The following ITLN1 variants were observed in gnomAD, a reference collection of about 807,000 sequenced individuals.
The protein encoded by ITLN1 is intelectin 1.
In ITLN1, 29 loss-of-function variants were observed where a neutral mutation model predicts 36.2. The observed-to-expected ratio is 0.80, with a 90% CI of 0.60 to 1.09. ITLN1 has a LOEUF of 1.09. ITLN1 is among the 50% of genes least tolerant of loss of function. The pLI, the probability that ITLN1 is intolerant of heterozygous loss-of-function variation, is 0.00. For synonymous variants in ITLN1, 143 were observed against 146.5 expected (o/e 0.98, Z 0.17); for missense variants, 358 against 405.2 (o/e 0.88, Z 1.00).
chr1:160,882,623 T>C (rs1480836226), intron 3 of ITLN1, among the ~76,000 whole-genome samples: 1 of 152,154 alleles, frequency 6.6e-6, no homozygotes, highest in Non-Finnish European at 1.5e-5. Flanking sequence ...ACATGGTGTG[T>C]GTGCATATAT....
chr1:160,880,470 C>A, intron 6 of ITLN1, 118 bp downstream of exon 6: 2 of 986,058 alleles, frequency 2.0e-6, no homozygotes, highest in South Asian at 1.7e-5. Flanking sequence ...TCAAGTGGGG[C>A]AATATAGGGA....
intron 3 of ITLN1, among the ~76,000 whole-genome samples, chr1:160,882,910 C>A (rs6671490): frequency 0.62 from 94,205 of 151,932 alleles, 30,070 homozygotes; most frequent in Middle Eastern, 0.7. Context: ...CACTCTGTTG[C>A]CCAGGCTGGA....
intron 4 of ITLN1, among the ~76,000 whole-genome samples, chr1:160,881,686 G>C (rs1336737143): frequency 6.6e-6 from 1 of 151,484 alleles, no homozygotes; most frequent in Non-Finnish European, 1.5e-5. Flanking sequence ...GTGGGCGCTT[G>C]TAGTCCCAGC....
intron 7 of ITLN1, 46 bp from the exon 8 acceptor site, chr1:160,876,862 T>A: frequency 6.3e-7 from 1 of 1,588,702 alleles, no homozygotes; most frequent in East Asian, 2.2e-5. Context: ...GATCTGCCAG[T>A]GAGGCCAATG....
intron 2 of ITLN1, among the ~76,000 whole-genome samples, chr1:160,883,737 A>G (rs987702600): frequency 6.6e-6 from 1 of 152,158 alleles, no homozygotes; most frequent in Non-Finnish European, 1.5e-5. Context: ...ATCCGACCTG[A>G]CAGCCAGCAC....
At chr1:160,881,720 T>C (rs1462980909) in intron 4 of ITLN1, among the ~76,000 whole-genome samples, 3 of 149,498 alleles carry the variant, frequency 2.0e-5, no homozygotes, top group Admixed American at 2.0e-4. Context: ...GAGGATCACT[T>C]GAACCCAGGA....
chr1:160,881,420 G>A, intron 4 of ITLN1, 108 bp from the exon 5 acceptor site: 1 of 1,310,480 alleles, frequency 7.6e-7, no homozygotes, highest in Non-Finnish European at 1.0e-6. Flanking sequence ...CTCCAGATGA[G>A]CAGATGGCCA....
chr1:160,881,544 C>A (rs1670677969), intron 4 of ITLN1: 1 of 540,202 alleles, frequency 1.9e-6, no homozygotes, highest in Non-Finnish European at 3.1e-6. Flanking sequence ...TGTGGTGGCT[C>A]ATGCCTATAA....
At chr1:160,881,445 C>T in intron 4 of ITLN1, 133 bp from the exon 5 acceptor site, 3 of 1,000,336 alleles carry the variant, frequency 3.0e-6, no homozygotes, top group Non-Finnish European at 4.2e-6. Context: ...TACTCAGACA[C>T]CCCACTCCCA....
chr1:160,881,043 G>T (rs956959739), intron 5 of ITLN1, 111 bp downstream of exon 5: 4 of 1,267,498 alleles, frequency 3.2e-6, no homozygotes, highest in Middle Eastern at 2.0e-4. Context: ...GCAAATCTGG[G>T]TTAGAAGAAC....
In ITLN1 at chr1:160,882,094, T is replaced by C. The variant is rs1186475850; in HGVS notation, c.268A>G (p.Met90Val). 1.2e-6 allele frequency: 2 copies of C among 1,614,206 alleles called. No homozygotes were observed. The highest frequency in any genetic ancestry group is 1.3e-5 in the African/African-American group (1 of 75,048). ...TCGCCCACCGTGCACTTCCCACGCA[T>C]GTCATTCTCGTGCACGCTGGCCACC... ...TLVASVHENDMRGKCTVGDRW... is the reference protein window; with the variant it reads ...TLVASVHENDVRGKCTVGDRW... The change falls in exon 4 of 8, where the codon ATG becomes GTG. Residue 90 changes from methionine to valine, a missense_variant. Met to Val is a conservative substitution (Grantham distance 21, BLOSUM62 1). Coordinates refer to ENST00000326245, the MANE Select transcript of ITLN1 (RefSeq NM_017625.3).
chr1:160,877,605 C>CT (rs113524225), intron 7 of ITLN1, among the ~76,000 whole-genome samples: 1,556 of 152,318 alleles, frequency 0.01, 24 homozygotes, highest in African/African-American at 0.036. Flanking sequence ...TCCAGACACT[C>CT]TGACTTCATA....
intron 7 of ITLN1, among the ~76,000 whole-genome samples, chr1:160,878,545 C>T (rs1571140620): frequency 6.6e-6 from 1 of 152,002 alleles, no homozygotes; most frequent in East Asian, 1.9e-4. Flanking sequence ...CACCACCACA[C>T]TCGGCTAATT....
At position 160,880,611 on chromosome 1, in the gene ITLN1, G is replaced by A. The variant is rs1185163326; in HGVS notation, c.662C>T (p.Ser221Phe). 1 of 1,614,050 alleles carries A rather than the reference G, an allele frequency of 6.2e-7. No homozygotes were observed. The highest frequency in any genetic ancestry group is 8.5e-7 in the Non-Finnish European group (1 of 1,180,032). Residue 221 changes from serine (S) to phenylalanine (F), a missense_variant, in exon 6 of 8, where the codon TCT (serine) becomes TTT (phenylalanine). Physicochemically the swap from Ser to Phe is radical, Grantham distance 155. Transcript: ENST00000326245. ...YDFGDAQKTA[S>F]YYSPYGQREF... is the part of the protein sequence containing the mutation. ...ACGCTGGCCATAGGGTGAGTAATAAGATGCTGTTTTCTGGGCGTCGCCAAA... is the reference window on the plus strand; with the variant it reads ...ACGCTGGCCATAGGGTGAGTAATAAAATGCTGTTTTCTGGGCGTCGCCAAA...
intron 3 of ITLN1, 35 bp from the exon 4 acceptor site, chr1:160,882,239 G>A (rs921994998): frequency 6.5e-7 from 1 of 1,533,550 alleles, no homozygotes; most frequent in African/African-American, 1.4e-5. Context: ...CTCCCTGTCT[G>A]AGAGCTGAGG....
At chr1:160,880,046 C>A (rs1379417701) in intron 6 of ITLN1, among the ~76,000 whole-genome samples, 1 of 152,134 alleles carries the variant, frequency 6.6e-6, no homozygotes, top group Non-Finnish European at 1.5e-5. Flanking sequence ...TGGCTCACAC[C>A]TGTAATCCCA....
chr1:160,881,586 G>A (rs13376023), intron 4 of ITLN1: 11,242 of 484,170 alleles, frequency 0.023, 489 homozygotes, highest in African/African-American at 0.12. Flanking sequence ...AGGCGGGCAG[G>A]TCACTTGAGG....
chr1:160,881,108 C>T (rs747102812), intron 5 of ITLN1, 46 bp downstream of exon 5: 10 of 1,536,032 alleles, frequency 6.5e-6, no homozygotes, highest in Non-Finnish European at 8.8e-6. Flanking sequence ...ACACTTGCTT[C>T]TCTGTACACC....
chr1:160,880,731 C>T, intron 5 of ITLN1, 23 bp from the exon 6 acceptor site: 1 of 1,613,688 alleles, frequency 6.2e-7, no homozygotes, highest in Non-Finnish European at 8.5e-7. Context: ...CAGAAAAAGT[C>T]ATGGAGTAAA....
Sources: gnomAD v4.1 joint callset for allele counts (sites outside exome capture counted in the v4.1 genomes callset) on GRCh38, gnomAD v4.1.1 for gene constraint, MANE v1.5 for transcripts, NCBI Gene and HGNC (gene_info 2026-07-23, HGNC 2026-07-21) for gene names.